TRPM8: variants seen among roughly 807,000 people sequenced by gnomAD.
TRPM8 encodes transient receptor potential cation channel subfamily M member 8.
In TRPM8, 110 loss-of-function variants were observed where a neutral mutation model predicts 133.7. That is an observed-to-expected ratio of 0.82 (90% CI 0.70 to 0.96). The LOEUF (loss-of-function observed/expected upper bound fraction) is 0.96. Ranked by LOEUF, TRPM8 falls within the 40% of genes least tolerant of loss-of-function variation. The probability of loss-of-function intolerance (pLI) is 0.00; values close to 1 mark genes in which losing one functional copy is unlikely to be tolerated. For synonymous variants in TRPM8, 535 were observed against 532.3 expected, an observed-to-expected ratio of 1.01 and a Z score of -0.07; for missense variants, 1,291 against 1,379.5, an observed-to-expected ratio of 0.94 and a Z score of 1.02.
chr2:233,975,289 G>A (rs1691840135), intron 17 of TRPM8, among the ~76,000 whole-genome samples: 1 of 152,152 alleles, frequency 6.6e-6, no homozygotes, highest in Admixed American at 6.5e-5. Flanking sequence ...CAACTCAAGG[G>A]CTGTGTGCCC....
chr2:234,002,731 A>T (rs546126154), intron 22 of TRPM8, among the ~76,000 whole-genome samples: 17 of 152,164 alleles, frequency 1.1e-4, no homozygotes, highest in Admixed American at 1.1e-3. Context: ...TGGAAGTGGG[A>T]AATATAGGGG....
intron 14 of TRPM8, among the ~76,000 whole-genome samples, 154 bp from the exon 15 acceptor site, chr2:233,966,456 A>G (rs1691577715): frequency 2.0e-5 from 3 of 152,160 alleles, no homozygotes; most frequent in Admixed American, 1.3e-4. Context: ...TCAGTAACAA[A>G]TTGTGTTGTG....
chr2:233,975,806 C>T (rs951050964), intron 17 of TRPM8, among the ~76,000 whole-genome samples: 1 of 152,218 alleles, frequency 6.6e-6, no homozygotes, highest in Non-Finnish European at 1.5e-5. Flanking sequence ...CGCTTGAACC[C>T]TGGAGGCAGA....
intron 9 of TRPM8, 111 bp downstream of exon 9, chr2:233,950,257 C>G: frequency 3.6e-6 from 4 of 1,118,852 alleles, no homozygotes; most frequent in Non-Finnish European, 5.1e-6. Flanking sequence ...TTGGTATTTT[C>G]TCCGTGCCTT....
At chr2:233,980,087 T>C in intron 17 of TRPM8, 101 bp from the exon 18 acceptor site, 1 of 814,526 alleles carries the variant, frequency 1.2e-6, no homozygotes, top group South Asian at 1.6e-5. Context: ...CGTCATTGGC[T>C]CAAAAAGGAC....
At chr2:233,990,366 C>T (rs1692245191) in intron 21 of TRPM8, among the ~76,000 whole-genome samples, 1 of 152,220 alleles carries the variant, frequency 6.6e-6, no homozygotes, top group Non-Finnish European at 1.5e-5. Context: ...AGCAGCCGGT[C>T]AGAACGGGCC....
Position 233,996,502 on chromosome 2 carries a change from A to G in TRPM8, c.3116A>G (p.Glu1039Gly). ...TGTTGCTGCAAGGAGAAAAACATGGAGTCTTCTGTCTGCTGTGAGTGGTTT... is the reference window on the plus strand; with the variant it reads ...TGTTGCTGCAAGGAGAAAAACATGGGGTCTTCTGTCTGCTGTGAGTGGTTT... ...FKCCCKEKNM[E>G]SSVCCFKNED... Residue 1039 changes from glutamate to glycine, a missense_variant, in exon 22 of 26, where the codon GAG becomes GGG. Physicochemically the swap from Glu to Gly is moderately conservative, Grantham distance 98. Transcript: ENST00000324695. The G allele has an allele frequency of 6.2e-7, 1 of 1,614,174 alleles. No homozygotes were observed. The highest frequency in any genetic ancestry group is 8.5e-7 in the Non-Finnish European group (1 of 1,180,026).
intron 1 of TRPM8, among the ~76,000 whole-genome samples, chr2:233,923,794 AAAC>A (rs200584438): frequency 1.3e-5 from 2 of 152,218 alleles, no homozygotes; most frequent in Non-Finnish European, 2.9e-5. Flanking sequence ...GAAAACAATA[AAAC>A]AACAACAACA....
chr2:233,975,663 C>T (rs1418688584), intron 17 of TRPM8, among the ~76,000 whole-genome samples: 1 of 152,192 alleles, frequency 6.6e-6, no homozygotes. Flanking sequence ...GGCGGATCAC[C>T]TGAGCTCAGG....
At chr2:234,014,235 G>C (rs1208648242) in intron 24 of TRPM8, among the ~76,000 whole-genome samples, 1 of 151,996 alleles carries the variant, frequency 6.6e-6, no homozygotes, top group Non-Finnish European at 1.5e-5. Context: ...TAGTTACATA[G>C]AACATTATTC....
rs1390859719 is a variant in TRPM8 at position 233,964,742 on chromosome 2, G to A, written c.1864G>A (p.Glu622Lys). 10 of 1,612,142 alleles carry A rather than the reference G, an allele frequency of 6.2e-6. No individual in the cohort carries two copies. The highest frequency in any genetic ancestry group is 3.3e-5 in the South Asian group (3 of 90,894). Residue 622 changes from glutamate to lysine, a missense_variant, in exon 14 of 26, where the codon GAG (glutamate) becomes AAG (lysine). This residue lies in a region of TRPM8 where 963 missense variants were observed against 968.9 expected (regional missense o/e 0.99). Transcript: ENST00000324695. ...GESEELANEYETRAVELFTEC... is the reference protein window; with the variant it reads ...GESEELANEYKTRAVELFTEC... ...GTCCGAGGAGCTGGCTAATGAGTAC[G>A]AGACCCGGGCTGTTGGTGAGTCCAC...
chr2:234,016,683 T>A (rs1203451181), intron 25 of TRPM8, among the ~76,000 whole-genome samples: 4 of 152,182 alleles, frequency 2.6e-5, no homozygotes, highest in African/African-American at 7.2e-5. Context: ...TTTTTTTTCC[T>A]TCTCTTACAC....
chr2:233,954,891 G>C, intron 10 of TRPM8: 1 of 390,502 alleles, frequency 2.6e-6, no homozygotes, highest in Non-Finnish European at 4.6e-6. Flanking sequence ...TACACTGCTA[G>C]GATATGCAAT....
At chr2:233,970,983 A>G (rs1390766560) in intron 17 of TRPM8, among the ~76,000 whole-genome samples, 3 of 152,192 alleles carry the variant, frequency 2.0e-5, no homozygotes, top group Non-Finnish European at 4.4e-5. Context: ...CTCAGGACTC[A>G]TGTGTAGCAG....
intron 10 of TRPM8, 61 bp from the exon 11 acceptor site, chr2:233,955,071 A>T: frequency 7.9e-7 from 1 of 1,268,236 alleles, no homozygotes; most frequent in Non-Finnish European, 1.1e-6. Flanking sequence ...GCCACACTGA[A>T]TGGTTCTCAC....
intron 1 of TRPM8, 114 bp from the exon 2 acceptor site, chr2:233,926,419 A>G (rs1691516531): frequency 1.3e-6 from 1 of 774,884 alleles, no homozygotes; most frequent in East Asian, 2.4e-5. Flanking sequence ...AGCATGGGAC[A>G]TTGCACGTGG....
rs201047162 is a variant in TRPM8 at position 233,961,041 on chromosome 2, G to A, written c.1628G>A (p.Arg543Gln). The A allele has an allele frequency of 2.4e-5, 38 of 1,613,932 alleles. No individual in the cohort carries two copies. The South Asian group carries it at 3.1e-4, about 13-fold the overall frequency. ...TTCCGGAAGGAAGACAGAAATGGCC[G>A]GGACGAGATGGACATAGAACTCCAC... ...RGFRKEDRNG[R>Q]DEMDIELHDV... Residue 543 changes from arginine to glutamine, a missense_variant, in exon 12 of 26, where the codon CGG becomes CAG. Arg to Gln is a conservative substitution (Grantham distance 43, BLOSUM62 1). Coordinates refer to ENST00000324695, the MANE Select transcript of TRPM8 (RefSeq NM_024080.5).
At chr2:234,000,824 G>A (rs183854648) in intron 22 of TRPM8, among the ~76,000 whole-genome samples, 367 of 152,140 alleles carry the variant, frequency 2.4e-3, no homozygotes, top group African/African-American at 7.9e-3. Flanking sequence ...GATTACAGGC[G>A]TGCACCACCA....
Position 233,987,684 on chromosome 2 carries a change from T to C in TRPM8, c.2939+1819T>C, listed in dbSNP as rs1692178537. On this transcript the variant is annotated intron_variant, in intron 21 of 25. Transcript: ENST00000324695. Reference sequence around the variant, plus strand: ...ACATCACCGATGTAGTTTGGCTGTGTCCCCACCCAAATCTCATCTTGAATG... The same window carrying C: ...ACATCACCGATGTAGTTTGGCTGTGCCCCCACCCAAATCTCATCTTGAATG... Among the ~76,000 whole-genome samples the C allele has an allele frequency of 3.3e-5, 5 of 152,186 alleles. 1 individual carries two copies. The South Asian group carries it at 8.3e-4, about 25-fold the overall frequency.
Sources: gnomAD v4.1 joint callset for allele counts (sites outside exome capture counted in the v4.1 genomes callset) on GRCh38, gnomAD v4.1.1 for gene constraint, gnomAD v4.1.1 regional missense constraint, MANE v1.5 for transcripts, NCBI Gene and HGNC (gene_info 2026-07-23, HGNC 2026-07-21) for gene names.